The following TAFA4 variants were observed in gnomAD, a reference collection of about 807,000 sequenced individuals.
The protein encoded by TAFA4 is chemokine-like protein TAFA-4.
In TAFA4, 20 loss-of-function variants were observed where a neutral mutation model predicts 21.1. That is an observed-to-expected ratio of 0.95 (90% CI 0.67 to 1.38). The LOEUF (loss-of-function observed/expected upper bound fraction) is 1.38, where lower values mean the gene tolerates loss of function less well. TAFA4 is among the 40% of genes most tolerant of loss of function. TAFA4 has a pLI of 0.00. For missense variants in TAFA4, 211 were observed against 180.9 expected, an observed-to-expected ratio of 1.17 and a Z score of -0.95; for synonymous variants, 71 against 67.4, an observed-to-expected ratio of 1.05 and a Z score of -0.26.
At chr3:68,820,195 A>G (rs748439595) in intron 3 of TAFA4, among the ~76,000 whole-genome samples, 1 of 152,216 alleles carries the variant, frequency 6.6e-6, no homozygotes, top group Non-Finnish European at 1.5e-5. Flanking sequence ...AAAAAGACAA[A>G]TATTGTATGA....
intron 3 of TAFA4, among the ~76,000 whole-genome samples, chr3:68,819,185 C>T (rs143522342): frequency 1.3e-5 from 2 of 150,920 alleles, no homozygotes; most frequent in African/African-American, 4.9e-5. Flanking sequence ...GTGGGAGAAC[C>T]ACTTGAGCCT....
chr3:68,857,012 G>A (rs909110928), intron 3 of TAFA4, among the ~76,000 whole-genome samples: 11 of 152,206 alleles, frequency 7.2e-5, no homozygotes, highest in African/African-American at 2.6e-4. Context: ...AACACGCAGG[G>A]TAGAGGATTT....
chr3:68,925,238 G>A (rs2090097117), intron 1 of TAFA4, among the ~76,000 whole-genome samples: 1 of 152,112 alleles, frequency 6.6e-6, no homozygotes, highest in African/African-American at 2.4e-5. Context: ...TGTTGAGAAG[G>A]AATTAATCCA....
chr3:68,736,327 A>AT (rs772389933), intron 5 of TAFA4, among the ~76,000 whole-genome samples: 2 of 152,124 alleles, frequency 1.3e-5, no homozygotes, highest in Non-Finnish European at 2.9e-5. Context: ...CAGTAGCTGC[A>AT]TCCCCTCTAG....
At chr3:68,854,361 A>G (rs1327376379) in intron 3 of TAFA4, among the ~76,000 whole-genome samples, 1 of 152,088 alleles carries the variant, frequency 6.6e-6, no homozygotes, top group Non-Finnish European at 1.5e-5. Flanking sequence ...GGTCATGAAA[A>G]TGACTACAGA....
intron 3 of TAFA4, among the ~76,000 whole-genome samples, chr3:68,773,442 T>A (rs2106785957): frequency 6.6e-6 from 1 of 152,266 alleles, no homozygotes; most frequent in South Asian, 2.1e-4. Flanking sequence ...GTGTCCAAAG[T>A]TTTTATCAGG....
chr3:68,782,389 G>T (rs567652910), intron 3 of TAFA4, among the ~76,000 whole-genome samples: 86 of 152,280 alleles, frequency 5.6e-4, no homozygotes, highest in South Asian at 5.0e-3. Context: ...CATTTCTGAT[G>T]GGGATGTAAA....
chr3:68,841,543 G>A (rs1704666339), intron 3 of TAFA4, among the ~76,000 whole-genome samples: 1 of 152,018 alleles, frequency 6.6e-6, no homozygotes, highest in African/African-American at 2.4e-5. Context: ...AGGGGTTTAA[G>A]AGGAACTTTT....
At chr3:68,801,144 G>A (rs1464189054) in intron 3 of TAFA4, among the ~76,000 whole-genome samples, 7 of 152,120 alleles carry the variant, frequency 4.6e-5, no homozygotes, top group African/African-American at 1.7e-4. Context: ...CCATGCCAGG[G>A]CTATTTGTTT....
chr3:68,911,494 T>G (rs893074467), intron 1 of TAFA4, among the ~76,000 whole-genome samples: 2 of 152,228 alleles, frequency 1.3e-5, no homozygotes, highest in Middle Eastern at 3.4e-3. Flanking sequence ...TCAACTCAGA[T>G]AGAGAAACAG....
intron 3 of TAFA4, among the ~76,000 whole-genome samples, chr3:68,831,243 G>T (rs1272867190): frequency 6.6e-6 from 1 of 152,080 alleles, no homozygotes; most frequent in East Asian, 1.9e-4. Flanking sequence ...ATGCTAGCTG[G>T]TAATTTCACC....
At chr3:68,733,346 G>T (rs1702186012) in intron 5 of TAFA4, among the ~76,000 whole-genome samples, 193 bp from the exon 6 acceptor site, 1 of 152,068 alleles carries the variant, frequency 6.6e-6, no homozygotes, top group Non-Finnish European at 1.5e-5. Context: ...AAGAATACAT[G>T]CACAAAGACT....
chr3:68,892,940 A>G (rs1416918128), intron 1 of TAFA4, among the ~76,000 whole-genome samples: 3 of 152,248 alleles, frequency 2.0e-5, no homozygotes, highest in African/African-American at 7.2e-5. Flanking sequence ...CACCAAAATC[A>G]GCAGCACCCA....
At chr3:68,751,875 C>A (rs1422746897) in intron 4 of TAFA4, among the ~76,000 whole-genome samples, 1 of 152,182 alleles carries the variant, frequency 6.6e-6, no homozygotes, top group African/African-American at 2.4e-5. Flanking sequence ...AATTCAGCAA[C>A]ACATTTGGCC....
chr3:68,814,570 C>T (rs1476957947), intron 3 of TAFA4, among the ~76,000 whole-genome samples: 1 of 152,064 alleles, frequency 6.6e-6, no homozygotes, highest in Non-Finnish European at 1.5e-5. Flanking sequence ...ACAATCGCCT[C>T]AAAGAGAATA....
At chr3:68,774,888 A>T (rs1703021478) in intron 3 of TAFA4, among the ~76,000 whole-genome samples, 1 of 152,226 alleles carries the variant, frequency 6.6e-6, no homozygotes, top group African/African-American at 2.4e-5. Context: ...ATAAAAATAA[A>T]GTCAAAACAT....
In TAFA4 at chr3:68,831,114, C is replaced by T. The variant is rs561826956; in HGVS notation, c.130+49616G>A. 3.7e-4 allele frequency among the ~76,000 whole-genome samples: 57 copies of T among 152,296 alleles called. 1 individual carries two copies. In the South Asian group the frequency reaches 0.011, roughly 29 times the overall value. On this transcript the variant is annotated intron_variant, in intron 3 of 5. Transcript: ENST00000295569. Reference sequence around the variant, plus strand: ...TATGAGATTGGTCTCCTGAATACAGCACACCAATGAGTCTTGACTCTTTAT... The same window carrying T: ...TATGAGATTGGTCTCCTGAATACAGTACACCAATGAGTCTTGACTCTTTAT...
chr3:68,852,191 G>C (rs905846955), intron 3 of TAFA4, among the ~76,000 whole-genome samples: 9 of 152,156 alleles, frequency 5.9e-5, no homozygotes, highest in Non-Finnish European at 1.3e-4. Flanking sequence ...AGATCTGTAG[G>C]ACCAAAGTTT....
chr3:68,786,418 A>G (rs989304059), intron 3 of TAFA4, among the ~76,000 whole-genome samples: 4 of 152,180 alleles, frequency 2.6e-5, no homozygotes, highest in African/African-American at 4.8e-5. Context: ...GTGTGCTACA[A>G]TCACACCTAT....
Sources: gnomAD v4.1 joint callset for allele counts (sites outside exome capture counted in the v4.1 genomes callset) on GRCh38, gnomAD v4.1.1 for gene constraint, MANE v1.5 for transcripts, NCBI Gene and HGNC (gene_info 2026-07-23, HGNC 2026-07-21) for gene names.